Variants in ENTREP2 observed in about 807,000 individuals in gnomAD.
The protein encoded by ENTREP2 is endosomal transmembrane epsin interactor 2.
At chr15:29,234,213 G>T in the ENTREP2 span, 1 of 1,609,584 alleles carries the variant, frequency 6.2e-7, no homozygotes, top group Non-Finnish European at 8.5e-7. Context: ...AGGCTCAAAC[G>T]CTTAACTGGT....
chr15:29,580,431 C>A, the ENTREP2 span, among the ~76,000 whole-genome samples: 1 of 152,156 alleles, frequency 6.6e-6, no homozygotes, highest in African/African-American at 2.4e-5. Flanking sequence ...TGGCATATAG[C>A]AAACACTAAG....
At chr15:29,297,965 C>T in the ENTREP2 span, among the ~76,000 whole-genome samples, 1 of 152,210 alleles carries the variant, frequency 6.6e-6, no homozygotes, top group African/African-American at 2.4e-5. Context: ...GCTGAATGCA[C>T]ATGGTTTTTA....
the ENTREP2 span, among the ~76,000 whole-genome samples, chr15:29,378,661 GC>G: frequency 6.6e-6 from 1 of 152,122 alleles, no homozygotes; most frequent in Non-Finnish European, 1.5e-5. Context: ...CAGCCTGCGG[GC>G]CAGCACTGCA....
the ENTREP2 span, among the ~76,000 whole-genome samples, chr15:29,187,433 G>A: frequency 2.0e-5 from 3 of 151,992 alleles, no homozygotes; most frequent in Admixed American, 1.3e-4. Context: ...GTGCCACCAC[G>A]CCAGGCTAAT....
the ENTREP2 span, chr15:29,266,466 A>C: frequency 6.6e-6 from 1 of 152,230 alleles, no homozygotes; most frequent in Admixed American, 6.5e-5. Context: ...GAAGTACTGT[A>C]CAATGCCTGC....
the ENTREP2 span, chr15:29,609,758 T>C: frequency 6.6e-6 from 1 of 150,464 alleles, no homozygotes; most frequent in South Asian, 2.1e-4. Context: ...AGTCATACCC[T>C]TTACACAAGT....
chr15:29,502,226 AC>A, the ENTREP2 span, among the ~76,000 whole-genome samples: 1 of 151,988 alleles, frequency 6.6e-6, no homozygotes, highest in Non-Finnish European at 1.5e-5. Context: ...CAAATTTACT[AC>A]AATGCTACAG....
chr15:29,426,858 C>T, the ENTREP2 span, among the ~76,000 whole-genome samples: 110 of 152,242 alleles, frequency 7.2e-4, no homozygotes, highest in Non-Finnish European at 1.4e-3. Context: ...GCACACTGGG[C>T]GCCGAGTGGT....
chr15:29,224,911 C>G, the ENTREP2 span, among the ~76,000 whole-genome samples: 26 of 152,280 alleles, frequency 1.7e-4, no homozygotes, highest in African/African-American at 6.3e-4. Flanking sequence ...TCAGGCATGG[C>G]GGGCTGCAGG....
chr15:29,485,294 G>A, the ENTREP2 span, among the ~76,000 whole-genome samples: 6 of 152,144 alleles, frequency 3.9e-5, no homozygotes, highest in African/African-American at 1.4e-4. Flanking sequence ...GCTCCACAGT[G>A]CAGGACCTGG....
At chr15:29,342,975 T>G in the ENTREP2 span, among the ~76,000 whole-genome samples, 5 of 143,158 alleles carry the variant, frequency 3.5e-5, no homozygotes, top group South Asian at 1.2e-3. Context: ...ATGGTCACAT[T>G]TATCAAAATT....
At chr15:29,481,909 GC>G in the ENTREP2 span, among the ~76,000 whole-genome samples, 1 of 152,052 alleles carries the variant, frequency 6.6e-6, no homozygotes, top group African/African-American at 2.4e-5. Flanking sequence ...GCAAAATGGA[GC>G]AAAAAAGGGC....
the ENTREP2 span, among the ~76,000 whole-genome samples, chr15:29,668,436 G>A: frequency 6.6e-6 from 1 of 152,128 alleles, no homozygotes; most frequent in Non-Finnish European, 1.5e-5. Flanking sequence ...ATGAAAACAT[G>A]TCCACATAGA....
At chr15:29,347,224 G>C in the ENTREP2 span, among the ~76,000 whole-genome samples, 18 of 152,070 alleles carry the variant, frequency 1.2e-4, no homozygotes, top group African/African-American at 4.3e-4. Context: ...ACCCAGGCTA[G>C]AGTGCAGCTT....
At chr15:29,207,458 G>C in the ENTREP2 span, among the ~76,000 whole-genome samples, 2 of 151,290 alleles carry the variant, frequency 1.3e-5, no homozygotes, top group Admixed American at 6.6e-5. Flanking sequence ...TGGGGGGCGG[G>C]GGGGGTGGCC....
chr15:29,290,488 C>G, the ENTREP2 span, among the ~76,000 whole-genome samples: 1 of 152,218 alleles, frequency 6.6e-6, no homozygotes, highest in African/African-American at 2.4e-5. Flanking sequence ...CACTCACCTG[C>G]ATCTGGTATA....
At chr15:29,154,109 C>A in the ENTREP2 span, among the ~76,000 whole-genome samples, 7 of 152,146 alleles carry the variant, frequency 4.6e-5, no homozygotes, top group Non-Finnish European at 1.0e-4. Flanking sequence ...TATGTGATAT[C>A]TTGAGACTTT....
the ENTREP2 span, among the ~76,000 whole-genome samples, chr15:29,352,292 T>C: frequency 6.6e-6 from 1 of 152,056 alleles, no homozygotes; most frequent in Non-Finnish European, 1.5e-5. Context: ...TTAACACTGT[T>C]CTCCCCACTT....
At chr15:29,387,449 A>G in the ENTREP2 span, among the ~76,000 whole-genome samples, 1 of 152,358 alleles carries the variant, frequency 6.6e-6, no homozygotes, top group South Asian at 2.1e-4. Context: ...ACTACAAACC[A>G]CTGCTCAACG....
Sources: gnomAD v4.1 joint callset for allele counts (sites outside exome capture counted in the v4.1 genomes callset) on GRCh38, gnomAD v4.1.1 for gene constraint, MANE v1.5 for transcripts, NCBI Gene and HGNC (gene_info 2026-07-23, HGNC 2026-07-21) for gene names.